RELB: variants seen among roughly 807,000 people sequenced by gnomAD.
RELB encodes transcription factor RelB.
Under a neutral mutation model 55.4 loss-of-function variants are expected in RELB, and 14 were observed. The observed-to-expected ratio is 0.25, with a 90% CI of 0.17 to 0.40. The LOEUF (loss-of-function observed/expected upper bound fraction) is 0.40. RELB is among the 10% of genes least tolerant of loss of function. The pLI, the probability that RELB is intolerant of heterozygous loss-of-function variation, is 1.00. For synonymous variants in RELB, 409 were observed against 371.3 expected (o/e 1.10, Z -1.17); for missense variants, 669 against 830.7 (o/e 0.81, Z 2.39).
Position 45,037,781 on chromosome 19 carries a change from A to G in RELB, c.1731A>G (p.Glu577=), listed in dbSNP as rs752632891. The change falls in exon 12 of 12, where the codon GAA becomes GAG. Residue 577 remains glutamate, a synonymous_variant. Transcript: ENST00000221452. The part of the protein sequence containing the change: ...FGGGLLSPGP[E]AT Reference sequence around the variant, plus strand: ...GCGGCCTCCTATCCCCGGGGCCTGAAGCCACGTAGCCCCGCGATGCCAGAG... The same window carrying G: ...GCGGCCTCCTATCCCCGGGGCCTGAGGCCACGTAGCCCCGCGATGCCAGAG... 10 of 1,483,718 alleles carry G rather than the reference A, an allele frequency of 6.7e-6. No homozygotes were observed. The South Asian group carries it at 9.7e-5, about 14-fold the overall frequency. The allele number at this position is 1,483,718 out of a possible 1,614,324, so 91.9% of individuals were successfully genotyped here. A position where few individuals can be genotyped will look rare whatever the true frequency, so the allele number is the denominator to read the frequency against.
At chr19:45,020,233 T>G (rs1971467247) in intron 4 of RELB, among the ~76,000 whole-genome samples, 1 of 151,822 alleles carries the variant, frequency 6.6e-6, no homozygotes, top group South Asian at 2.1e-4. Context: ...CTCTTTTTTT[T>G]TTTTTCTTTT....
intron 2 of RELB, among the ~76,000 whole-genome samples, 200 bp from the exon 3 acceptor site, chr19:45,009,614 T>C (rs556532180): frequency 6.6e-6 from 1 of 152,152 alleles, no homozygotes; most frequent in East Asian, 1.9e-4. Flanking sequence ...ACATTAGAGG[T>C]TGAAAGGATG....
At chr19:45,028,565 C>T (rs965158997) in intron 7 of RELB, among the ~76,000 whole-genome samples, 4 of 152,080 alleles carry the variant, frequency 2.6e-5, no homozygotes, top group Non-Finnish European at 5.9e-5. Flanking sequence ...AACTCCTGAC[C>T]TCAAGTGATC....
chr19:45,038,103 G>GCCATAT lies in RELB; in HGVS notation c.*313_*314insCCATAT. ...AAAGATTGTACATATGGGAGGAGGG[G>GCCATAT]GCAGATTCCTGGCCCTCCCTCCCCA... On this transcript the variant is annotated 3_prime_UTR_variant, in exon 12 of 12. Coordinates refer to ENST00000221452, the MANE Select transcript of RELB (RefSeq NM_006509.4). The GCCATAT allele has an allele frequency of 3.4e-6, 1 of 298,502 alleles. No homozygotes were observed. Among genetic ancestry groups the GCCATAT allele is most frequent in the East Asian group, 5.4e-5 (1 of 18,402 alleles). 18.5% of individuals were successfully genotyped at this position (298,502 alleles called of 1,614,324 possible).
intron 5 of RELB, among the ~76,000 whole-genome samples, chr19:45,023,413 C>T (rs1971514220): frequency 6.6e-6 from 1 of 150,604 alleles, no homozygotes; most frequent in Non-Finnish European, 1.5e-5. Context: ...TCCTTCCTTC[C>T]TTCCTTCCTT....
At chr19:45,005,838 A>G (rs756040729) in intron 2 of RELB, among the ~76,000 whole-genome samples, 1 of 152,188 alleles carries the variant, frequency 6.6e-6, no homozygotes, top group Non-Finnish European at 1.5e-5. Context: ...TCCTGGCCTC[A>G]AGCGATCTGC....
intron 4 of RELB, among the ~76,000 whole-genome samples, chr19:45,015,758 C>T (rs1426296361): frequency 6.9e-6 from 1 of 144,740 alleles, no homozygotes; most frequent in Non-Finnish European, 1.5e-5. Flanking sequence ...AAAAAAGAAA[C>T]AACTAAAGTC....
rs370984662 is a variant in RELB at position 45,037,503 on chromosome 19, C to T, written c.1453C>T (p.Leu485=). The change falls in exon 12 of 12, where the codon CTG becomes TTG. Residue 485 remains leucine (L), a synonymous_variant. Transcript: ENST00000221452. The part of the protein sequence containing the change: ...GLEPPGGPDL[L]DDGFAYDPTA... ...GGAGCCCCCTGGCGGGCCTGACCTC[C>T]TGGACGATGGCTTTGCCTACGACCC... 2 of 1,613,160 alleles carry T rather than the reference C, an allele frequency of 1.2e-6. No homozygotes were observed.
intron 9 of RELB, 58 bp downstream of exon 9, chr19:45,032,807 G>T: frequency 7.0e-7 from 1 of 1,437,800 alleles, no homozygotes; most frequent in South Asian, 1.2e-5. Flanking sequence ...TTGGCCTTGG[G>T]GAGACCCCAG....
rs34351996 is a variant in RELB, at chr19:45,036,778, A to G, written c.1355-627A>G. Among the ~76,000 whole-genome samples the G allele has an allele frequency of 4.2e-3, 637 of 152,262 alleles. 4 individuals are homozygous for G. The highest frequency in any genetic ancestry group is 0.014 in the African/African-American group (596 of 41,554). Reference sequence around the variant, plus strand: ...TTCGCTGCAGCCTCAAACTGGGCTCAAGCAATCCTCCTGCCTCAGACTGCC... The same window carrying G: ...TTCGCTGCAGCCTCAAACTGGGCTCGAGCAATCCTCCTGCCTCAGACTGCC... On this transcript the variant is annotated intron_variant, in intron 11 of 11. Coordinates refer to ENST00000221452, the MANE Select transcript of RELB (RefSeq NM_006509.4).
At chr19:45,002,887 G>C (rs1045104391) in intron 1 of RELB, 62 bp from the exon 2 acceptor site, 2 of 1,439,664 alleles carry the variant, frequency 1.4e-6, no homozygotes, top group Non-Finnish European at 1.9e-6. Flanking sequence ...GCTTCCTTGG[G>C]ATATTCTCTG....
chr19:45,002,545 G>A (rs112170101), intron 1 of RELB, among the ~76,000 whole-genome samples: 148 of 152,174 alleles, frequency 9.7e-4, no homozygotes, highest in African/African-American at 3.4e-3. Flanking sequence ...TAGAGACGGG[G>A]TTTCACCATG....
Position 45,005,513 on chromosome 19 carries a change from A to C in RELB, c.154+2517A>C, listed in dbSNP as rs996682909. ...TTCTGGCTTGGCCATTGAAGAAGTG[A>C]GGCCGGTTCCCCAACAGGTCTGTGA... On this transcript the variant is annotated intron_variant, in intron 2 of 11. Coordinates refer to ENST00000221452, the MANE Select transcript of RELB (RefSeq NM_006509.4). 2.0e-5 allele frequency among the ~76,000 whole-genome samples: 3 copies of C among 152,162 alleles called. No individual in the cohort carries two copies. The South Asian group carries it at 6.2e-4, about 32-fold the overall frequency.
chr19:45,004,374 C>T (rs1471483989), intron 2 of RELB, among the ~76,000 whole-genome samples: 1 of 150,790 alleles, frequency 6.6e-6, no homozygotes, highest in African/African-American at 2.4e-5. Flanking sequence ...AGTCATGTGC[C>T]ACCACGCTCA....
At chr19:45,007,683 C>T (rs1477795861) in intron 2 of RELB, among the ~76,000 whole-genome samples, 1 of 151,846 alleles carries the variant, frequency 6.6e-6, no homozygotes, top group Non-Finnish European at 1.5e-5. Context: ...CATGGTGAAA[C>T]CCCGTCTCTA....
chr19:45,010,422 G>A (rs1470152636), intron 3 of RELB, among the ~76,000 whole-genome samples: 1 of 151,608 alleles, frequency 6.6e-6, no homozygotes, highest in African/African-American at 2.4e-5. Flanking sequence ...CCAAGTCCCT[G>A]CCCTCGCAGA....
At chr19:45,022,485 G>A (rs1176737009) in intron 5 of RELB, among the ~76,000 whole-genome samples, 2 of 151,960 alleles carry the variant, frequency 1.3e-5, no homozygotes, top group South Asian at 2.1e-4. Context: ...GACAGAGCTG[G>A]GATTTGACTG....
chr19:45,025,444 A>C (rs1438889608), intron 6 of RELB, 24 bp downstream of exon 6: 3 of 1,598,684 alleles, frequency 1.9e-6, no homozygotes, highest in East Asian at 4.5e-5. Context: ...GCCTGACCTG[A>C]CCATCCCGTC....
chr19:45,009,076 TTTG>T (rs929557651), intron 2 of RELB, among the ~76,000 whole-genome samples: 20 of 152,122 alleles, frequency 1.3e-4, no homozygotes, highest in East Asian at 5.8e-4. Flanking sequence ...TTTGCATCTT[TTTG>T]TTGTTGTTGT....
Sources: gnomAD v4.1 joint callset for allele counts (sites outside exome capture counted in the v4.1 genomes callset) on GRCh38, gnomAD v4.1.1 for gene constraint, MANE v1.5 for transcripts, NCBI Gene and HGNC (gene_info 2026-07-23, HGNC 2026-07-21) for gene names.